The following ZBTB8A variants were observed in gnomAD, a reference collection of about 807,000 sequenced individuals.
ZBTB8A encodes zinc finger and BTB domain-containing protein 8A.
ZBTB8A carries 19 observed loss-of-function variants against 37.8 expected under a neutral mutation model. That is an observed-to-expected ratio of 0.50 (90% confidence interval 0.35 to 0.74). The LOEUF (loss-of-function observed/expected upper bound fraction) is 0.74, where lower values mean the gene tolerates loss of function less well. Ranked by LOEUF, ZBTB8A falls within the 30% of genes least tolerant of loss-of-function variation. The probability of loss-of-function intolerance (pLI) is 0.01; values close to 1 mark genes in which losing one functional copy is unlikely to be tolerated. For missense variants in ZBTB8A, 394 were observed against 537.8 expected (o/e 0.73, Z 2.65); for synonymous variants, 181 against 185.2 (o/e 0.98, Z 0.19).
At chr1:32,562,152 C>A (rs533158006) in intron 2 of ZBTB8A, among the ~76,000 whole-genome samples, 2 of 147,642 alleles carry the variant, frequency 1.4e-5, no homozygotes, top group Admixed American at 1.4e-4. Context: ...AACGGGGTCT[C>A]ACTATGTTGC....
At chr1:32,549,186 T>TCAAAA (rs758734846) in intron 1 of ZBTB8A, among the ~76,000 whole-genome samples, 13 of 148,904 alleles carry the variant, frequency 8.7e-5, no homozygotes, top group South Asian at 2.1e-4. Context: ...AGACTCTGTC[T>TCAAAA]CAAAACAAAA....
chr1:32,600,066 A>C, intron 4 of ZBTB8A, 21 bp from the exon 5 acceptor site: 1 of 1,579,746 alleles, frequency 6.3e-7, no homozygotes, highest in Non-Finnish European at 8.6e-7. Flanking sequence ...CACTTTTATC[A>C]CTATTTAAAT....
intron 4 of ZBTB8A, among the ~76,000 whole-genome samples, chr1:32,595,993 C>T (rs1644527317): frequency 6.6e-6 from 1 of 151,836 alleles, no homozygotes; most frequent in Admixed American, 6.6e-5. Context: ...GTACAGTTGG[C>T]CAGGCACAGT....
At chr1:32,590,403 G>A (rs762730878) in intron 2 of ZBTB8A, among the ~76,000 whole-genome samples, 1 of 151,860 alleles carries the variant, frequency 6.6e-6, no homozygotes, top group Non-Finnish European at 1.5e-5. Context: ...TTGGACATAC[G>A]GTCAGAATTT....
At chr1:32,562,052 C>G (rs990488123) in intron 2 of ZBTB8A, among the ~76,000 whole-genome samples, 1 of 151,704 alleles carries the variant, frequency 6.6e-6, no homozygotes, top group Admixed American at 6.6e-5. Flanking sequence ...TGGGCTCACA[C>G]GAATCTCCTG....
chr1:32,567,825 A>AAACAAACAAAAAC (rs1553178097), intron 2 of ZBTB8A, among the ~76,000 whole-genome samples: 3 of 63,694 alleles, frequency 4.7e-5, no homozygotes, highest in Non-Finnish European at 8.0e-5. Context: ...AAAAAAAAAC[A>AAACAAACAAAAAC]AAAACAAAAC....
chr1:32,581,896 G>C (rs551694946), intron 2 of ZBTB8A, among the ~76,000 whole-genome samples: 2 of 152,088 alleles, frequency 1.3e-5, no homozygotes, highest in South Asian at 2.1e-4. Context: ...ATCAGATCTC[G>C]TGAGACTCAC....
At position 32,563,541 on chromosome 1, in the gene ZBTB8A, C is replaced by T. The variant is rs372093659; in HGVS notation, c.-2+10001C>T. Among the ~76,000 whole-genome samples, 171 of 152,212 alleles carry T rather than the reference C, an allele frequency of 1.1e-3. 1 individual carries two copies. The highest frequency in any genetic ancestry group is 0.011 in the South Asian group (53 of 4,822). ...GCAATGATGTGATCTCAGCTCAGTG[C>T]AGCCTCCGCCTCCTGGATTCAAGCA... On this transcript the variant is annotated intron_variant, in intron 2 of 4. Transcript: ENST00000373510.
intron 2 of ZBTB8A, among the ~76,000 whole-genome samples, chr1:32,570,968 C>T (rs1339335413): frequency 6.6e-6 from 1 of 151,802 alleles, no homozygotes; most frequent in East Asian, 1.9e-4. Context: ...CTCCACCTCC[C>T]AAGTTCAAGC....
chr1:32,603,391 GT>G lies in ZBTB8A; in HGVS notation c.*2973del. ...GATCTGCCCGCCTCAGCCTCCCAAAGTGCTGGGATTACAGGCGTGAGCCAGC... is the reference window on the plus strand; with the variant it reads ...GATCTGCCCGCCTCAGCCTCCCAAAGGCTGGGATTACAGGCGTGAGCCAGC... On this transcript the variant is annotated 3_prime_UTR_variant, in exon 5 of 5. Transcript: ENST00000373510. The G allele has an allele frequency of 6.6e-6, 1 of 152,356 alleles. No homozygotes were observed. 9.4% of individuals were successfully genotyped at this position (152,356 alleles called of 1,614,324 possible).
intron 2 of ZBTB8A, among the ~76,000 whole-genome samples, chr1:32,591,871 G>T (rs1245112930): frequency 6.6e-6 from 1 of 151,762 alleles, no homozygotes; most frequent in Admixed American, 6.6e-5. Flanking sequence ...TTTCAGACAG[G>T]GTCTCACTCT....
intron 1 of ZBTB8A, among the ~76,000 whole-genome samples, chr1:32,545,337 T>C (rs1380108091): frequency 6.6e-6 from 1 of 152,218 alleles, no homozygotes; most frequent in Non-Finnish European, 1.5e-5. Flanking sequence ...TAATGATTAA[T>C]GATGCTAAAC....
intron 2 of ZBTB8A, among the ~76,000 whole-genome samples, chr1:32,561,529 C>T (rs143859327): frequency 2.3e-4 from 35 of 152,220 alleles, no homozygotes; most frequent in Middle Eastern, 3.4e-3. Flanking sequence ...TCTGTCTTCA[C>T]GTGGTGCTCT....
intron 2 of ZBTB8A, among the ~76,000 whole-genome samples, chr1:32,562,667 C>T (rs903639178): frequency 8.7e-5 from 13 of 150,286 alleles, no homozygotes; most frequent in African/African-American, 2.5e-4. Context: ...ATCTCCACCT[C>T]GCTGATTCAA....
At chr1:32,591,111 G>A (rs567323557) in intron 2 of ZBTB8A, among the ~76,000 whole-genome samples, 3 of 142,290 alleles carry the variant, frequency 2.1e-5, no homozygotes, top group African/African-American at 7.9e-5. Context: ...GTTTCGCCAT[G>A]TTGGCCAGGC....
intron 2 of ZBTB8A, among the ~76,000 whole-genome samples, chr1:32,584,371 C>T (rs543319187): frequency 1.2e-4 from 18 of 152,004 alleles, no homozygotes; most frequent in African/African-American, 3.9e-4. Flanking sequence ...GACGGGAAAA[C>T]GTATAAATGC....
chr1:32,581,484 T>C (rs1644406666), intron 2 of ZBTB8A, among the ~76,000 whole-genome samples: 1 of 150,568 alleles, frequency 6.6e-6, no homozygotes, highest in South Asian at 2.1e-4. Flanking sequence ...CCCAAGTAGC[T>C]GGGATTACAG....
At chr1:32,567,986 A>C (rs1644296538) in intron 2 of ZBTB8A, among the ~76,000 whole-genome samples, 1 of 151,582 alleles carries the variant, frequency 6.6e-6, no homozygotes, top group African/African-American at 2.4e-5. Flanking sequence ...CTAAAAATAC[A>C]AAAAAATTAG....
intron 1 of ZBTB8A, among the ~76,000 whole-genome samples, chr1:32,550,324 G>A (rs943582238): frequency 1.3e-5 from 2 of 152,102 alleles, no homozygotes; most frequent in African/African-American, 2.4e-5. Flanking sequence ...TCAGAAATCA[G>A]TTCTTTTGGC....
Sources: allele counts gnomAD v4.1 joint callset (sites outside exome capture counted in the v4.1 genomes callset), GRCh38; gene constraint gnomAD v4.1.1; transcripts MANE v1.5; gene names NCBI Gene and HGNC (gene_info 2026-07-23, HGNC 2026-07-21).